The following QTGAL variants were observed in gnomAD, a reference collection of about 807,000 sequenced individuals.
QTGAL encodes the protein BGnT-like protein 1.
the QTGAL span, among the ~76,000 whole-genome samples, chr17:83,013,741 C>T: frequency 9.9e-5 from 15 of 152,180 alleles, no homozygotes; most frequent in African/African-American, 3.1e-4. Flanking sequence ...CCAGGGTGAG[C>T]GCCAAACTGC....
the QTGAL span, among the ~76,000 whole-genome samples, chr17:83,009,145 T>A: frequency 6.6e-6 from 1 of 151,620 alleles, no homozygotes; most frequent in Non-Finnish European, 1.5e-5. Context: ...AACTCAGGGC[T>A]GGGCGCAGTG....
the QTGAL span, among the ~76,000 whole-genome samples, chr17:83,010,418 A>G: frequency 2.0e-3 from 298 of 152,330 alleles, 2 homozygotes; most frequent in Non-Finnish European, 3.3e-3. Context: ...AGAGCCCACA[A>G]GCACTCCAAC....
At chr17:82,984,831 TC>T in the QTGAL span, among the ~76,000 whole-genome samples, 2 of 152,060 alleles carry the variant, frequency 1.3e-5, no homozygotes, top group Non-Finnish European at 2.9e-5. Context: ...CTGTCTGCCT[TC>T]CCTTCTTGGT....
the QTGAL span, chr17:83,005,210 T>C: frequency 7.7e-5 from 124 of 1,603,618 alleles, no homozygotes; most frequent in Non-Finnish European, 1.0e-4. The surrounding 1 kb of genome is among the most constrained non-coding windows in gnomAD (Gnocchi z 5.6). Flanking sequence ...CAACCAATGA[T>C]CTGTGAAAAA....
the QTGAL span, among the ~76,000 whole-genome samples, chr17:82,975,781 C>G: frequency 8.8e-6 from 1 of 113,608 alleles, no homozygotes; most frequent in Non-Finnish European, 1.7e-5. Flanking sequence ...GAACGAGGGC[C>G]CCGGGACAGA....
the QTGAL span, among the ~76,000 whole-genome samples, chr17:82,980,502 G>A: frequency 5.9e-5 from 9 of 152,304 alleles, no homozygotes; most frequent in Non-Finnish European, 8.8e-5. Flanking sequence ...GAAGTCCCAG[G>A]CTGTTTGACC....
At chr17:83,032,750 G>C in the QTGAL span, among the ~76,000 whole-genome samples, 1 of 152,322 alleles carries the variant, frequency 6.6e-6, no homozygotes, top group South Asian at 2.1e-4. Flanking sequence ...GGAGAAATCT[G>C]AGGTGTTTTG....
chr17:83,031,124 A>T, the QTGAL span, among the ~76,000 whole-genome samples: 2 of 152,216 alleles, frequency 1.3e-5, no homozygotes, highest in African/African-American at 4.8e-5. Context: ...TTATTCTACT[A>T]AAGTTTCCAA....
chr17:83,025,668 G>A, the QTGAL span, among the ~76,000 whole-genome samples: 3 of 141,144 alleles, frequency 2.1e-5, no homozygotes, highest in Non-Finnish European at 4.8e-5. Flanking sequence ...CACGGACACC[G>A]CGGAGAGTCC....
chr17:82,971,011 C>T, the QTGAL span, among the ~76,000 whole-genome samples: 1 of 152,144 alleles, frequency 6.6e-6, no homozygotes, highest in Admixed American at 6.5e-5. Context: ...CACAGGTCGG[C>T]GTCGTGGGGC....
chr17:83,005,849 C>A, the QTGAL span: 1 of 1,345,780 alleles, frequency 7.4e-7, no homozygotes, highest in Non-Finnish European at 9.7e-7. The surrounding 1 kb of genome is among the most constrained non-coding windows in gnomAD (Gnocchi z 5.6). Context: ...ACCCTTCCCC[C>A]GCCCTCCGCC....
At chr17:82,974,052 A>G in the QTGAL span, among the ~76,000 whole-genome samples, 124,106 of 152,198 alleles carry the variant, frequency 0.82, 51,124 homozygotes, top group African/African-American at 0.94. Context: ...TCCACGCTCC[A>G]TGGGCGACTG....
chr17:82,943,708 G>GA, the QTGAL span: 2 of 152,254 alleles, frequency 1.3e-5, no homozygotes, highest in African/African-American at 4.8e-5. Flanking sequence ...GGCCACACAG[G>GA]AGTGTGGGGT....
the QTGAL span, chr17:83,048,423 A>T: frequency 2.7e-6 from 4 of 1,497,850 alleles, no homozygotes; most frequent in Non-Finnish European, 2.8e-6. Flanking sequence ...ACGTAAGTTG[A>T]TAAGAAACCA....
chr17:82,963,116 C>G, the QTGAL span, among the ~76,000 whole-genome samples: 1 of 152,170 alleles, frequency 6.6e-6, no homozygotes, highest in African/African-American at 2.4e-5. Context: ...CGCCGCCCAG[C>G]CCCAATCTGC....
chr17:83,019,600 G>A, the QTGAL span, among the ~76,000 whole-genome samples: 23 of 152,286 alleles, frequency 1.5e-4, no homozygotes, highest in African/African-American at 4.3e-4. Context: ...ATCTGGAGGC[G>A]GAGGCGGCGG....
chr17:83,025,566 G>A, the QTGAL span, among the ~76,000 whole-genome samples: 2 of 114,564 alleles, frequency 1.7e-5, no homozygotes, highest in Non-Finnish European at 3.6e-5. Flanking sequence ...CACGGACACC[G>A]CGGAGAGTCC....
the QTGAL span, among the ~76,000 whole-genome samples, chr17:82,955,294 TGGGCGAAGGACATGAAC>T: frequency 3.3e-5 from 5 of 152,090 alleles, no homozygotes; most frequent in Non-Finnish European, 5.9e-5. Flanking sequence ...CATCAAAAAG[TGGGCGAAGGACATGAAC>T]AGACACTTCT....
At chr17:83,013,985 T>C in the QTGAL span, among the ~76,000 whole-genome samples, 2 of 152,094 alleles carry the variant, frequency 1.3e-5, no homozygotes, top group Non-Finnish European at 2.9e-5. Context: ...CACGGGGCAC[T>C]GCTGTGCTTC....
Sources: allele counts gnomAD v4.1 joint callset (sites outside exome capture counted in the v4.1 genomes callset), GRCh38; gene constraint gnomAD v4.1.1; non-coding constraint Gnocchi (gnomAD v3.1); transcripts MANE v1.5; gene names NCBI Gene and HGNC (gene_info 2026-07-23, HGNC 2026-07-21).